The following CALN1 variants were observed in gnomAD, a reference collection of about 807,000 sequenced individuals.
The protein encoded by CALN1 is calneuron 1, also known as calcium-binding protein 8.
Under a neutral mutation model 30.6 loss-of-function variants are expected in CALN1, and 17 were observed. The ratio of observed to expected loss-of-function variants is 0.56; its 90% CI spans 0.38 to 0.83. The LOEUF (loss-of-function observed/expected upper bound fraction) is 0.83. Ranked by LOEUF, CALN1 falls within the 40% of genes least tolerant of loss-of-function variation. The pLI, the probability that CALN1 is intolerant of heterozygous loss-of-function variation, is 0.00. For missense variants in CALN1, 291 were observed against 354.9 expected (o/e 0.82, Z 1.45); for synonymous variants, 156 against 131.4 (o/e 1.19, Z -1.28).
At chr7:72,365,026 CG>C (rs1457468399) in intron 2 of CALN1, among the ~76,000 whole-genome samples, 2 of 151,994 alleles carry the variant, frequency 1.3e-5, no homozygotes, top group African/African-American at 4.8e-5. Context: ...AAAAATTAGC[CG>C]GGCGTGGTGG....
At chr7:72,291,353 C>T (rs1211391367) in intron 2 of CALN1, among the ~76,000 whole-genome samples, 4 of 152,256 alleles carry the variant, frequency 2.6e-5, no homozygotes, top group African/African-American at 9.6e-5. Flanking sequence ...CCCAGTATTG[C>T]CTGTCATTTG....
chr7:72,345,378 A>AC (rs757548706), intron 2 of CALN1, among the ~76,000 whole-genome samples: 15 of 142,780 alleles, frequency 1.1e-4, no homozygotes, highest in Admixed American at 3.7e-4. Flanking sequence ...GGAAGGAGAA[A>AC]GAAAAAAGGA....
At chr7:72,400,644 T>G (rs370993523) in intron 2 of CALN1, among the ~76,000 whole-genome samples, 1 of 152,090 alleles carries the variant, frequency 6.6e-6, no homozygotes, top group Non-Finnish European at 1.5e-5. Flanking sequence ...CCAAGGCAGG[T>G]GTATCACTTG....
intron 2 of CALN1, among the ~76,000 whole-genome samples, chr7:72,338,469 CAGTGTGTG>C (rs1171980845): frequency 9.5e-5 from 4 of 41,946 alleles, no homozygotes; most frequent in African/African-American, 2.3e-4. Flanking sequence ...GCCAGCAGCA[CAGTGTGTG>C]TGTGTGTGTG....
chr7:72,372,325 T>A (rs1203317372), intron 2 of CALN1, among the ~76,000 whole-genome samples: 3 of 152,108 alleles, frequency 2.0e-5, no homozygotes, highest in Non-Finnish European at 2.9e-5. Context: ...GAAAAACTTC[T>A]GTTGCTTTTT....
intron 5 of CALN1, among the ~76,000 whole-genome samples, chr7:71,922,885 T>C (rs1795043651): frequency 1.0e-5 from 1 of 95,454 alleles, no homozygotes; most frequent in African/African-American, 4.6e-5. Flanking sequence ...TAAACATATA[T>C]ATTAATATAT....
chr7:72,126,017 C>T (rs973882345), intron 3 of CALN1, among the ~76,000 whole-genome samples: 1 of 151,860 alleles, frequency 6.6e-6, no homozygotes, highest in Non-Finnish European at 1.5e-5. Flanking sequence ...ACCAGGCTGG[C>T]CTCAAACTCC....
intron 5 of CALN1, among the ~76,000 whole-genome samples, chr7:71,846,846 TTATATATG>T (rs1276615149): frequency 2.7e-5 from 4 of 146,470 alleles, no homozygotes; most frequent in Non-Finnish European, 6.0e-5. Flanking sequence ...TGTGTATATA[TTATATATG>T]TATATATGTA....
intron 4 of CALN1, among the ~76,000 whole-genome samples, chr7:72,080,336 G>A (rs545650585): frequency 6.8e-4 from 104 of 152,212 alleles, no homozygotes; most frequent in African/African-American, 2.2e-3. Context: ...TCCTCACTCC[G>A]TGCCCTTGCA....
intron 5 of CALN1, among the ~76,000 whole-genome samples, chr7:71,842,004 G>GAA (rs796613388): frequency 1.5e-5 from 2 of 133,960 alleles, no homozygotes; most frequent in Non-Finnish European, 3.3e-5. Context: ...ATCTAAAAAA[G>GAA]AAAAAAAAAA....
intron 6 of CALN1, among the ~76,000 whole-genome samples, chr7:71,792,543 G>A (rs1237888967): frequency 1.3e-5 from 2 of 152,124 alleles, no homozygotes; most frequent in Non-Finnish European, 2.9e-5. Context: ...TTACCTGGAG[G>A]AAGACAATAT....
intron 3 of CALN1, among the ~76,000 whole-genome samples, chr7:72,123,051 T>C (rs1268245759): frequency 6.6e-6 from 1 of 152,056 alleles, no homozygotes; most frequent in East Asian, 1.9e-4. Context: ...CAAGAGAGAA[T>C]TCAGAGCCAG....
At chr7:72,170,136 G>A (rs1321097591) in intron 3 of CALN1, among the ~76,000 whole-genome samples, 1 of 152,074 alleles carries the variant, frequency 6.6e-6, no homozygotes, top group Non-Finnish European at 1.5e-5. Flanking sequence ...ACATGCCTCA[G>A]CTAATTATTT....
At chr7:72,269,927 T>C (rs1464983825) in intron 3 of CALN1, among the ~76,000 whole-genome samples, 2 of 152,282 alleles carry the variant, frequency 1.3e-5, no homozygotes, top group East Asian at 3.9e-4. Flanking sequence ...CATAGAAAAG[T>C]ATATTCAGAG....
At chr7:72,209,655 A>G (rs1376421817) in intron 3 of CALN1, among the ~76,000 whole-genome samples, 1 of 152,014 alleles carries the variant, frequency 6.6e-6, no homozygotes, top group Non-Finnish European at 1.5e-5. Context: ...TCATCACCTC[A>G]GAAAAAAAGA....
intron 3 of CALN1, among the ~76,000 whole-genome samples, chr7:72,145,489 A>G (rs1413270266): frequency 5.9e-5 from 9 of 152,212 alleles, no homozygotes; most frequent in Non-Finnish European, 1.2e-4. Flanking sequence ...ATAGCCTACC[A>G]ACCAAAAAAA....
intron 4 of CALN1, among the ~76,000 whole-genome samples, chr7:72,067,967 C>A (rs1308485619): frequency 6.6e-6 from 1 of 152,224 alleles, no homozygotes; most frequent in Non-Finnish European, 1.5e-5. Context: ...CTTCTGTGTG[C>A]TTTGTATCTT....
intron 5 of CALN1, among the ~76,000 whole-genome samples, chr7:71,847,878 G>T (rs1246538065): frequency 6.9e-6 from 1 of 144,332 alleles, no homozygotes; most frequent in Non-Finnish European, 1.5e-5. Context: ...TTCCCTTTTT[G>T]CTCGGCTCTC....
intron 3 of CALN1, among the ~76,000 whole-genome samples, chr7:72,176,453 G>A (rs537144189): frequency 3.9e-4 from 60 of 152,120 alleles, no homozygotes; most frequent in African/African-American, 1.3e-3. Flanking sequence ...TCATGGGGGC[G>A]GATCCCTCAT....
Sources: allele counts gnomAD v4.1 joint callset (sites outside exome capture counted in the v4.1 genomes callset), GRCh38; gene constraint gnomAD v4.1.1; transcripts MANE v1.5; gene names NCBI Gene and HGNC (gene_info 2026-07-23, HGNC 2026-07-21).